Variants in DOCK4 observed in about 807,000 individuals in gnomAD.
DOCK4 encodes dedicator of cytokinesis 4.
Under a neutral mutation model 268.1 loss-of-function variants are expected in DOCK4, and 97 were observed. That is an observed-to-expected ratio of 0.36 (90% CI 0.31 to 0.43). The LOEUF (loss-of-function observed/expected upper bound fraction) is 0.43. Among genes scored for constraint, DOCK4 ranks in the 20% least tolerant of loss-of-function variants. DOCK4 has a pLI of 1.00. For synonymous variants in DOCK4, 954 were observed against 887.2 expected (o/e 1.08, Z -1.34); for missense variants, 2,145 against 2,455.7 (o/e 0.87, Z 2.67).
At chr7:112,091,658 T>C (rs972368115) in intron 1 of DOCK4, among the ~76,000 whole-genome samples, 4 of 152,128 alleles carry the variant, frequency 2.6e-5, no homozygotes, top group Non-Finnish European at 5.9e-5. Flanking sequence ...GAATTCAAGA[T>C]ACCAGCCCTG....
chr7:112,051,301 G>A (rs1358667284), intron 1 of DOCK4, among the ~76,000 whole-genome samples: 1 of 152,138 alleles, frequency 6.6e-6, no homozygotes, highest in Non-Finnish European at 1.5e-5. Flanking sequence ...GGATGAGGAT[G>A]AGGTAGGACA....
At chr7:111,790,738 T>A in intron 30 of DOCK4, 133 bp from the exon 31 acceptor site, 1 of 1,109,214 alleles carries the variant, frequency 9.0e-7, no homozygotes, top group Non-Finnish European at 1.2e-6. Flanking sequence ...AGCAAGAAAA[T>A]ATAATAACCC....
Position 111,901,662 on chromosome 7 carries a change from C to T in DOCK4, c.1317+15G>A. 1 of 1,611,424 alleles carries T rather than the reference C, an allele frequency of 6.2e-7. No homozygotes were observed. Among genetic ancestry groups the T allele is most frequent in the Middle Eastern group, 1.7e-4 (1 of 6,050 alleles). Reference sequence around the variant, plus strand: ...ACAGACTTGTTTGACCTGGAAATATCAAGTATTAACATACCTTCAGGGTTT... The same window carrying T: ...ACAGACTTGTTTGACCTGGAAATATTAAGTATTAACATACCTTCAGGGTTT... On this transcript the variant is annotated intron_variant, in intron 14 of 52. Coordinates refer to ENST00000428084, the MANE Select transcript of DOCK4 (RefSeq NM_001363540.2).
intron 8 of DOCK4, among the ~76,000 whole-genome samples, chr7:111,959,302 G>C (rs1169103517): frequency 6.6e-6 from 1 of 152,122 alleles, no homozygotes; most frequent in African/African-American, 2.4e-5. Context: ...TGTACTCCCT[G>C]CACGTCTGGC....
intron 34 of DOCK4, among the ~76,000 whole-genome samples, chr7:111,783,353 G>A (rs1250913438): frequency 6.6e-6 from 1 of 152,108 alleles, no homozygotes; most frequent in Admixed American, 6.5e-5. Context: ...ATGTATTTAA[G>A]TGGGATTAAC....
At chr7:111,838,064 T>C (rs1217821630) in intron 25 of DOCK4, among the ~76,000 whole-genome samples, 1 of 121,914 alleles carries the variant, frequency 8.2e-6, no homozygotes, top group Non-Finnish European at 1.6e-5. Context: ...CCAGCATGGG[T>C]GACATTAGCG....
At chr7:111,911,823 A>G (rs1231188506) in intron 13 of DOCK4, among the ~76,000 whole-genome samples, 2 of 151,570 alleles carry the variant, frequency 1.3e-5, no homozygotes, top group African/African-American at 4.9e-5. Context: ...TTTTTTTAAT[A>G]TATTAGATTT....
intron 15 of DOCK4, among the ~76,000 whole-genome samples, chr7:111,896,490 T>C (rs1356238299): frequency 6.0e-5 from 9 of 150,520 alleles, no homozygotes; most frequent in Admixed American, 1.3e-4. Flanking sequence ...CACCAAGGTT[T>C]TTTTTTTTTT....
chr7:111,756,942 C>A (rs1264489728), intron 41 of DOCK4, among the ~76,000 whole-genome samples: 1 of 151,996 alleles, frequency 6.6e-6, no homozygotes, highest in Admixed American at 6.6e-5. Flanking sequence ...GGGATGCAGG[C>A]ACACACGCCA....
intron 25 of DOCK4, chr7:111,840,777 T>C (rs1403402699): frequency 7.6e-7 from 1 of 1,312,956 alleles, no homozygotes; most frequent in South Asian, 1.2e-5. Context: ...TGTCTACTTG[T>C]CATGGGCACT....
rs554037706 is a variant in DOCK4 at position 112,104,258 on chromosome 7, A to G, written c.38-100127T>C. Among the ~76,000 whole-genome samples the G allele has an allele frequency of 3.3e-5, 5 of 152,310 alleles. No homozygotes were observed. The East Asian group carries it at 9.6e-4, about 29-fold the overall frequency. ...ATAATGGTACTTTGGTACTTTCACAACAGATGTGTTATTGCTACTGTGTGT... is the reference window on the plus strand; with the variant it reads ...ATAATGGTACTTTGGTACTTTCACAGCAGATGTGTTATTGCTACTGTGTGT... On this transcript the variant is annotated intron_variant, in intron 1 of 52. Coordinates refer to ENST00000428084, the MANE Select transcript of DOCK4 (RefSeq NM_001363540.2).
chr7:112,063,203 T>C lies in DOCK4; in HGVS notation c.38-59072A>G, dbSNP rs538431101. 5.4e-4 allele frequency among the ~76,000 whole-genome samples: 82 copies of C among 152,176 alleles called. 1 individual carries two copies. Among genetic ancestry groups the C allele is most frequent in the Non-Finnish European group, 2.1e-4 (14 of 68,036 alleles). On this transcript the variant is annotated intron_variant, in intron 1 of 52. Transcript: ENST00000428084. ...AAACTGCAAAAGACCATCCTGAAGA[T>C]TAAAGCTACTGTTCAAGAGACAGAA...
intron 1 of DOCK4, among the ~76,000 whole-genome samples, chr7:112,021,837 T>C (rs1200801040): frequency 6.6e-6 from 1 of 152,190 alleles, no homozygotes; most frequent in Non-Finnish European, 1.5e-5. Flanking sequence ...TTCTTCGCCC[T>C]GCGCTTCCCT....
At chr7:111,861,513 G>A (rs1046161278) in intron 23 of DOCK4, among the ~76,000 whole-genome samples, 4 of 151,880 alleles carry the variant, frequency 2.6e-5, no homozygotes, top group African/African-American at 9.7e-5. Context: ...TTGGGAGGCT[G>A]AGGTGGGTGG....
intron 12 of DOCK4, among the ~76,000 whole-genome samples, chr7:111,924,124 A>C (rs1793395216): frequency 6.6e-6 from 1 of 152,176 alleles, no homozygotes; most frequent in Non-Finnish European, 1.5e-5. Context: ...TTTCATTAGA[A>C]ATCTCTTTTG....
At chr7:112,162,494 T>C (rs375980828) in intron 1 of DOCK4, among the ~76,000 whole-genome samples, 1 of 138,404 alleles carries the variant, frequency 7.2e-6, no homozygotes, top group Non-Finnish European at 1.5e-5. Flanking sequence ...GAAGAGAGTG[T>C]CTGTCTGTCT....
intron 30 of DOCK4, among the ~76,000 whole-genome samples, chr7:111,792,155 A>G (rs1222296759): frequency 2.6e-5 from 4 of 152,198 alleles, no homozygotes; most frequent in Admixed American, 6.5e-5. Flanking sequence ...AAATCTCATA[A>G]GTTTCTAGTT....
At chr7:112,116,971 T>A (rs1812234407) in intron 1 of DOCK4, among the ~76,000 whole-genome samples, 1 of 152,222 alleles carries the variant, frequency 6.6e-6, no homozygotes, top group African/African-American at 2.4e-5. Flanking sequence ...GGGAACAATT[T>A]GAGCATAACA....
At chr7:111,994,737 G>A (rs1241736112) in intron 4 of DOCK4, among the ~76,000 whole-genome samples, 1 of 152,132 alleles carries the variant, frequency 6.6e-6, no homozygotes, top group African/African-American at 2.4e-5. Context: ...ACACTCTCTT[G>A]ATCTCGGTAA....
Sources: gnomAD v4.1 joint callset for allele counts (sites outside exome capture counted in the v4.1 genomes callset) on GRCh38, gnomAD v4.1.1 for gene constraint, MANE v1.5 for transcripts, NCBI Gene and HGNC (gene_info 2026-07-23, HGNC 2026-07-21) for gene names.